The following PTPRT variants were observed in gnomAD, a reference collection of about 807,000 sequenced individuals.
PTPRT encodes protein tyrosine phosphatase receptor type T.
In PTPRT, 56 loss-of-function variants were observed where a neutral mutation model predicts 176.8. That is an observed-to-expected ratio of 0.32 (90% CI 0.26 to 0.40). PTPRT has a LOEUF of 0.40. PTPRT is among the 10% of genes least tolerant of loss of function. The pLI is 1.00. For missense variants in PTPRT, 1,540 were observed against 1,908.2 expected, an observed-to-expected ratio of 0.81 and a Z score of 3.60; for synonymous variants, 783 against 739.0, an observed-to-expected ratio of 1.06 and a Z score of -0.96.
At chr20:42,588,650 C>T (rs2073514700) in intron 7 of PTPRT, among the ~76,000 whole-genome samples, 1 of 152,058 alleles carries the variant, frequency 6.6e-6, no homozygotes, top group African/African-American at 2.4e-5. Context: ...AAATATACTA[C>T]TAGAATTAAT....
intron 7 of PTPRT, among the ~76,000 whole-genome samples, chr20:42,529,095 TAA>T (rs2072330714): frequency 6.6e-6 from 1 of 152,342 alleles, no homozygotes; most frequent in South Asian, 2.1e-4. Context: ...AACGACCTTT[TAA>T]ATTTTAAATT....
intron 1 of PTPRT, among the ~76,000 whole-genome samples, chr20:42,905,943 G>A (rs1320503977): frequency 1.3e-5 from 2 of 152,064 alleles, no homozygotes; most frequent in African/African-American, 2.4e-5. Flanking sequence ...GGGAGGGACA[G>A]CATTAGGAGA....
chr20:42,252,928 C>T lies in PTPRT; in HGVS notation c.2177-4106G>A, dbSNP rs540449404. On this transcript the variant is annotated intron_variant, in intron 13 of 30. Transcript: ENST00000373187. ...GGTTGGTCTAACTAGACATCAGATA[C>T]AGGAACGTGAACATTCCCTGGGACA... Among the ~76,000 whole-genome samples, 37 of 152,340 alleles carry T rather than the reference C, an allele frequency of 2.4e-4. No homozygotes were observed. The Middle Eastern group carries it at 0.017, about 70-fold the overall frequency.
chr20:42,532,405 T>A (rs533545900), intron 7 of PTPRT, among the ~76,000 whole-genome samples: 1 of 152,110 alleles, frequency 6.6e-6, no homozygotes, highest in Non-Finnish European at 1.5e-5. Flanking sequence ...CTATGGCCAG[T>A]TCCATCTTTT....
chr20:42,101,032 G>A (rs1012767551), intron 26 of PTPRT, among the ~76,000 whole-genome samples: 1 of 152,232 alleles, frequency 6.6e-6, no homozygotes, highest in Non-Finnish European at 1.5e-5. Flanking sequence ...TGTTGGCCTT[G>A]ACCCCAGGAG....
intron 8 of PTPRT, among the ~76,000 whole-genome samples, chr20:42,470,082 C>G (rs866289315): frequency 6.6e-6 from 1 of 152,214 alleles, no homozygotes; most frequent in Non-Finnish European, 1.5e-5. Context: ...AGTAGAGGCT[C>G]TGTCTTCAAG....
At chr20:42,983,794 G>A (rs1023437797) in intron 1 of PTPRT, among the ~76,000 whole-genome samples, 2 of 152,146 alleles carry the variant, frequency 1.3e-5, no homozygotes, top group African/African-American at 4.8e-5. Flanking sequence ...CTTACTTCTG[G>A]CAACCTAATG....
intron 1 of PTPRT, among the ~76,000 whole-genome samples, chr20:43,170,281 T>G (rs1009302715): frequency 2.0e-5 from 3 of 152,198 alleles, no homozygotes; most frequent in Admixed American, 6.5e-5. Context: ...CATGTTATGC[T>G]CACAACCATC....
chr20:42,201,197 C>T (rs531798209), intron 15 of PTPRT, among the ~76,000 whole-genome samples: 1 of 152,202 alleles, frequency 6.6e-6, no homozygotes, highest in East Asian at 1.9e-4. Flanking sequence ...ACTCAGCAGG[C>T]TGAGGTGGGA....
the PTPRT span, among the ~76,000 whole-genome samples, chr20:42,060,480 G>A: frequency 6.6e-6 from 1 of 152,230 alleles, no homozygotes; most frequent in Non-Finnish European, 1.5e-5. Flanking sequence ...ATTCCCAGGT[G>A]TTGTGGGAGG....
chr20:42,277,813 C>G (rs528633085), intron 13 of PTPRT, among the ~76,000 whole-genome samples: 4 of 151,626 alleles, frequency 2.6e-5, no homozygotes, highest in African/African-American at 7.3e-5. Context: ...TTTAAGAGAA[C>G]AATCCTGACA....
intron 9 of PTPRT, among the ~76,000 whole-genome samples, chr20:42,409,481 CAAAAAAAAAAAAAAA>C (rs58932390): frequency 7.1e-5 from 8 of 112,140 alleles, no homozygotes; most frequent in East Asian, 3.0e-4. Flanking sequence ...GACTCTGTCG[CAAAAAAAAAAAAAAA>C]AAAAAAAAAA....
At chr20:42,740,331 T>C (rs186572578) in intron 6 of PTPRT, among the ~76,000 whole-genome samples, 3 of 152,254 alleles carry the variant, frequency 2.0e-5, no homozygotes, top group Admixed American at 6.5e-5. Flanking sequence ...TGCCAGAGCA[T>C]TCCAGGGACG....
chr20:42,150,684 A>G (rs1989086977), intron 17 of PTPRT, among the ~76,000 whole-genome samples: 1 of 152,214 alleles, frequency 6.6e-6, no homozygotes. Flanking sequence ...TTTTACTGCA[A>G]ATAAGTTCAC....
At chr20:42,561,268 C>T (rs1243606055) in intron 7 of PTPRT, among the ~76,000 whole-genome samples, 7 of 152,226 alleles carry the variant, frequency 4.6e-5, no homozygotes, top group African/African-American at 1.7e-4. Context: ...GAGGAAAGCA[C>T]AAACCTGCAA....
chr20:42,041,138 A>C, the PTPRT span, among the ~76,000 whole-genome samples: 1 of 152,122 alleles, frequency 6.6e-6, no homozygotes, highest in Non-Finnish European at 1.5e-5. Context: ...TTCCTTCTTT[A>C]ACCAAGGCTC....
chr20:42,656,821 A>G (rs2145987048), intron 7 of PTPRT, among the ~76,000 whole-genome samples: 1 of 152,296 alleles, frequency 6.6e-6, no homozygotes, highest in Non-Finnish European at 1.5e-5. Flanking sequence ...TGTAATCAAA[A>G]CAATGCCTCC....
chr20:42,539,674 AAACT>A (rs1019934044), intron 7 of PTPRT, among the ~76,000 whole-genome samples: 7 of 151,858 alleles, frequency 4.6e-5, no homozygotes, highest in Non-Finnish European at 1.0e-4. Flanking sequence ...AAAAAAAAAC[AAACT>A]ATTACTAACA....
At chr20:42,474,050 CAAACTT>C (rs1601091492) in intron 7 of PTPRT, among the ~76,000 whole-genome samples, 2 of 152,144 alleles carry the variant, frequency 1.3e-5, no homozygotes, top group East Asian at 3.8e-4. Context: ...AGTTAGAACT[CAAACTT>C]AATAAGCACT....
Sources: gnomAD v4.1 joint callset for allele counts (sites outside exome capture counted in the v4.1 genomes callset) on GRCh38, gnomAD v4.1.1 for gene constraint, MANE v1.5 for transcripts, NCBI Gene and HGNC (gene_info 2026-07-23, HGNC 2026-07-21) for gene names.